PLCG2: variants seen among roughly 807,000 people sequenced by gnomAD.
PLCG2 encodes phospholipase C gamma 2, also known as 1-phosphatidylinositol 4,5-bisphosphate phosphodiesterase gamma-2.
A neutral mutation model predicts 175.6 loss-of-function variants in PLCG2; 69 were observed. The observed-to-expected ratio is 0.39, with a 90% CI of 0.32 to 0.48. The LOEUF (loss-of-function observed/expected upper bound fraction) is 0.48, where lower values mean the gene tolerates loss of function less well. Ranked by LOEUF, PLCG2 falls within the 20% of genes least tolerant of loss-of-function variation. The pLI is 0.91. For missense variants in PLCG2, 1,798 were observed against 1,650.9 expected, an observed-to-expected ratio of 1.09 and a Z score of -1.54; for synonymous variants, 827 against 624.0, an observed-to-expected ratio of 1.33 and a Z score of -4.85.
chr16:81,952,175 G>A (rs1456393926), intron 31 of PLCG2, among the ~76,000 whole-genome samples: 1 of 151,948 alleles, frequency 6.6e-6, no homozygotes, highest in Non-Finnish European at 1.5e-5. Flanking sequence ...AACACCATGT[G>A]AACAAGTAGA....
intron 2 of PLCG2, among the ~76,000 whole-genome samples, chr16:81,806,272 C>T (rs1305822783): frequency 6.6e-6 from 1 of 151,802 alleles, no homozygotes; most frequent in Non-Finnish European, 1.5e-5. Context: ...TTCCGTGGTC[C>T]CCAAGCAGCA....
rs1567510343 is a variant in PLCG2 at position 81,874,961 on chromosome 16, T to TTGTTC, written c.648+4027_648+4028insGTTCT. Among the ~76,000 whole-genome samples the TTGTTC allele has an allele frequency of 6.9e-4, 95 of 137,532 alleles. 1 individual carries two copies. Among genetic ancestry groups the TTGTTC allele is most frequent in the East Asian group, 1.1e-3 (5 of 4,724 alleles). The allele number at this position is 137,532 out of a possible 152,430, so 90.2% of individuals were successfully genotyped here. A position where few individuals can be genotyped will look rare whatever the true frequency, so the allele number is the denominator to read the frequency against. On this transcript the variant is annotated intron_variant, in intron 7 of 32. Transcript: ENST00000564138. Reference sequence around the variant, plus strand: ...ACTATCCTATGTGTTTTTTTTTTTTTTTTTTTTTTTTTTTTTATTTGAGAC... The same window carrying TTGTTC: ...ACTATCCTATGTGTTTTTTTTTTTTTTGTTCTTTTTTTTTTTTTTTTATTTGAGAC...
intron 19 of PLCG2, among the ~76,000 whole-genome samples, chr16:81,916,995 C>G (rs1484615950): frequency 2.6e-5 from 4 of 152,138 alleles, no homozygotes; most frequent in African/African-American, 9.7e-5. Flanking sequence ...TGCACTTACT[C>G]CTCTTGTCTA....
intron 20 of PLCG2, among the ~76,000 whole-genome samples, chr16:81,920,303 A>T (rs1329132866): frequency 1.3e-5 from 2 of 152,144 alleles, no homozygotes; most frequent in Non-Finnish European, 2.9e-5. Flanking sequence ...TTTATTGAAG[A>T]GAGATTTATG....
intron 2 of PLCG2, among the ~76,000 whole-genome samples, chr16:81,796,413 G>C (rs1226703534): frequency 1.3e-5 from 2 of 152,232 alleles, no homozygotes; most frequent in Admixed American, 6.5e-5. Flanking sequence ...TTGGAGATCA[G>C]TATCCTTTGG....
At chr16:81,866,820 G>A (rs1039532382) in intron 5 of PLCG2, among the ~76,000 whole-genome samples, 1 of 152,192 alleles carries the variant, frequency 6.6e-6, no homozygotes, top group African/African-American at 2.4e-5. Context: ...TCTCGCTGCC[G>A]CTCTGGTAGC....
chr16:81,757,319 A>C (rs1909949386), intron 2 of PLCG2, among the ~76,000 whole-genome samples: 1 of 152,176 alleles, frequency 6.6e-6, no homozygotes, highest in African/African-American at 2.4e-5. Context: ...AAACAAACAA[A>C]AAAACAAAAG....
At chr16:81,807,962 T>G (rs1237174412) in intron 2 of PLCG2, among the ~76,000 whole-genome samples, 1 of 152,208 alleles carries the variant, frequency 6.6e-6, no homozygotes, top group African/African-American at 2.4e-5. Flanking sequence ...TTCATCCCCA[T>G]GATCCAGTCA....
chr16:81,927,003 C>T, intron 22 of PLCG2, 79 bp from the exon 23 acceptor site: 1 of 879,280 alleles, frequency 1.1e-6, no homozygotes, highest in Non-Finnish European at 1.9e-6. Flanking sequence ...ATTGAGCCAG[C>T]AGCCGGGTGC....
At position 81,838,642 on chromosome 16, in the gene PLCG2, A is replaced by C. The variant is rs1235012832; in HGVS notation, c.194-15802A>C. Among the ~76,000 whole-genome samples, 5 of 152,134 alleles carry C rather than the reference A, an allele frequency of 3.3e-5. No homozygotes were observed. In the East Asian group the frequency reaches 9.7e-4, roughly 29 times the overall value. On this transcript the variant is annotated intron_variant, in intron 2 of 32. Transcript: ENST00000564138. The stretch of plus-strand genomic sequence containing the variant: ...GGGCAAGGGGAGGGAGAGCGTTAGG[A>C]CAAATACCTAATGCCTGCAGGGTTT...
chr16:81,757,720 G>A (rs973034883), intron 2 of PLCG2, among the ~76,000 whole-genome samples: 1 of 152,130 alleles, frequency 6.6e-6, no homozygotes, highest in Non-Finnish European at 1.5e-5. Context: ...GGCTTATAGT[G>A]TATTCACAGA....
chr16:81,815,310 G>T (rs1367995074), intron 2 of PLCG2, among the ~76,000 whole-genome samples: 6 of 152,090 alleles, frequency 3.9e-5, no homozygotes, highest in African/African-American at 1.4e-4. Flanking sequence ...CTCACCAAGG[G>T]GTCTCAGCCT....
chr16:81,950,275 G>A (rs1911314402), intron 31 of PLCG2, among the ~76,000 whole-genome samples: 4 of 152,176 alleles, frequency 2.6e-5, no homozygotes, highest in Admixed American at 2.6e-4. Context: ...GGAAAATTGG[G>A]AAGGAAAAGT....
At chr16:81,868,965 T>C (rs7202250) in intron 5 of PLCG2, among the ~76,000 whole-genome samples, 85,385 of 152,126 alleles carry the variant, frequency 0.56, 24,395 homozygotes, top group Middle Eastern at 0.62. Context: ...CAGCCCTCCT[T>C]ATTGGGGCAT....
intron 7 of PLCG2, among the ~76,000 whole-genome samples, chr16:81,879,309 G>A (rs1567512979): frequency 6.6e-6 from 1 of 152,130 alleles, no homozygotes; most frequent in African/African-American, 2.4e-5. Flanking sequence ...ATAGCAACAT[G>A]CCCTGTCTAA....
At chr16:81,871,378 G>T (rs1907506297) in intron 7 of PLCG2, among the ~76,000 whole-genome samples, 1 of 152,128 alleles carries the variant, frequency 6.6e-6, no homozygotes, top group East Asian at 1.9e-4. Context: ...TCACTCTGTT[G>T]CCCAGGCTGG....
At chr16:81,884,004 A>G (rs1200236572) in intron 9 of PLCG2, among the ~76,000 whole-genome samples, 2 of 152,206 alleles carry the variant, frequency 1.3e-5, no homozygotes, top group East Asian at 3.9e-4. Context: ...AACACCAGGG[A>G]TGTTCCTAAA....
chr16:81,919,114 T>C (rs1292812678), intron 19 of PLCG2, among the ~76,000 whole-genome samples: 1 of 152,198 alleles, frequency 6.6e-6, no homozygotes, highest in Non-Finnish European at 1.5e-5. Context: ...AAATGAACTG[T>C]AGCTGTGTTT....
chr16:81,811,506 C>A (rs1413575987), intron 2 of PLCG2, among the ~76,000 whole-genome samples: 1 of 152,076 alleles, frequency 6.6e-6, no homozygotes, highest in Non-Finnish European at 1.5e-5. Flanking sequence ...TCTCCTAGTG[C>A]TATCCCTCCT....
Sources: gnomAD v4.1 joint callset for allele counts (sites outside exome capture counted in the v4.1 genomes callset) on GRCh38, gnomAD v4.1.1 for gene constraint, MANE v1.5 for transcripts, NCBI Gene and HGNC (gene_info 2026-07-23, HGNC 2026-07-21) for gene names.